USPL1: variants seen among roughly 807,000 people sequenced by gnomAD.
The protein encoded by USPL1 is ubiquitin specific peptidase like 1.
In USPL1, 27 loss-of-function variants were observed where a neutral mutation model predicts 51.5. The ratio of observed to expected loss-of-function variants is 0.52; its 90% confidence interval spans 0.39 to 0.72. The LOEUF (loss-of-function observed/expected upper bound fraction) is 0.72, where lower values mean the gene tolerates loss of function less well. Ranked by LOEUF, USPL1 falls within the 30% of genes least tolerant of loss-of-function variation. The pLI, the probability that USPL1 is intolerant of heterozygous loss-of-function variation, is 0.00. For synonymous variants in USPL1, 451 were observed against 459.6 expected, an observed-to-expected ratio of 0.98 and a Z score of 0.24; for missense variants, 1,226 against 1,268.0, an observed-to-expected ratio of 0.97 and a Z score of 0.50.
intron 5 of USPL1, among the ~76,000 whole-genome samples, chr13:30,638,544 C>A (rs1950905711): frequency 1.3e-5 from 2 of 152,210 alleles, no homozygotes; most frequent in African/African-American, 2.4e-5. Context: ...GAGAGTCTGT[C>A]CAAACCTTTC....
chr13:30,620,223 A>G (rs773691678), intron 1 of USPL1, among the ~76,000 whole-genome samples: 32 of 152,220 alleles, frequency 2.1e-4, no homozygotes, highest in Non-Finnish European at 1.0e-4. Context: ...GTGTCATAGA[A>G]TCATGGATTC....
Position 30,653,306 on chromosome 13 carries a change from G to GT in USPL1, c.1396+2dup. The GT allele has an allele frequency of 6.3e-7, 1 of 1,590,274 alleles. No homozygotes were observed. Among genetic ancestry groups the GT allele is most frequent in the Non-Finnish European group, 8.6e-7 (1 of 1,163,212 alleles). Reference sequence around the variant, plus strand: ...ATAACATGGATTTTAGATGCTGATGGTAAGTGTTTAGAGGTTTTCTTTTAA... The same window carrying GT: ...ATAACATGGATTTTAGATGCTGATGGTTAAGTGTTTAGAGGTTTTCTTTTAA... On this transcript the variant is annotated splice_donor_variant, in intron 8 of 8. Transcript: ENST00000255304. LOFTEE classifies it high-confidence loss of function.
At chr13:30,624,289 A>G (rs1192849130) in intron 3 of USPL1, among the ~76,000 whole-genome samples, 1 of 152,166 alleles carries the variant, frequency 6.6e-6, no homozygotes, top group East Asian at 1.9e-4. Context: ...TGTCATAATC[A>G]AAATGGAGTC....
At chr13:30,620,443 A>G (rs1950632387) in intron 1 of USPL1, among the ~76,000 whole-genome samples, 1 of 152,226 alleles carries the variant, frequency 6.6e-6, no homozygotes, top group Non-Finnish European at 1.5e-5. Flanking sequence ...ATAGGACTGC[A>G]CTCAAAACAA....
chr13:30,658,106 A>G lies in USPL1; in HGVS notation c.2029A>G (p.Lys677Glu). ...GAATACAGAAGATACTGTAAATACT[A>G]AATCTGTGAATAATACTGATGCTAC... ...QLNTEDTVNT[K>E]SVNNTDATGL... is the part of the protein sequence containing the mutation. Residue 677 changes from lysine to glutamate, a missense_variant, in exon 9 of 9, where the codon AAA (lysine) becomes GAA (glutamate). By Grantham distance (56) the Lys-to-Glu change is moderately conservative (BLOSUM62 1). Coordinates refer to ENST00000255304, the MANE Select transcript of USPL1 (RefSeq NM_005800.5). The G allele has an allele frequency of 1.2e-6, 2 of 1,613,570 alleles. No homozygotes were observed. Among genetic ancestry groups the G allele is most frequent in the Non-Finnish European group, 1.7e-6 (2 of 1,180,006 alleles).
At chr13:30,646,029 C>G (rs1195133973) in intron 6 of USPL1, among the ~76,000 whole-genome samples, 1 of 152,176 alleles carries the variant, frequency 6.6e-6, no homozygotes, top group Non-Finnish European at 1.5e-5. Context: ...TAGCAGAAAT[C>G]AGTGCATTTG....
chr13:30,627,834 C>T (rs1001299489), intron 3 of USPL1, among the ~76,000 whole-genome samples: 4 of 151,882 alleles, frequency 2.6e-5, no homozygotes, highest in Non-Finnish European at 5.9e-5. Flanking sequence ...AACCACTTCC[C>T]ATTTTCCTCT....
At chr13:30,632,014 G>C (rs1359726540) in intron 4 of USPL1, among the ~76,000 whole-genome samples, 1 of 151,356 alleles carries the variant, frequency 6.6e-6, no homozygotes, top group Non-Finnish European at 1.5e-5. Flanking sequence ...TGTGCAGAAC[G>C]TGCAGTTTTG....
At position 30,637,804 on chromosome 13, in the gene USPL1, A is replaced by C. The variant is rs1243042239; in HGVS notation, c.929A>C (p.Glu310Ala). ...GCAGAGATAGAGACCTGTCTGAATG[A>C]AGTTAGAGATGAAATTTTTATTAGC... ...IFAEIETCLNEVRDEIFISLQ... is the reference protein window; with the variant it reads ...IFAEIETCLNAVRDEIFISLQ... Residue 310 changes from glutamate to alanine, a missense_variant, in exon 5 of 9, where the codon GAA (glutamate) becomes GCA (alanine). Physicochemically the swap from Glu to Ala is moderately radical, Grantham distance 107 (BLOSUM62 -1). Coordinates refer to ENST00000255304, the MANE Select transcript of USPL1 (RefSeq NM_005800.5). The C allele has an allele frequency of 1.2e-6, 2 of 1,613,588 alleles. No homozygotes were observed. The highest frequency in any genetic ancestry group is 1.3e-5 in the African/African-American group (1 of 74,916).
intron 2 of USPL1, 149 bp downstream of exon 2, chr13:30,621,388 T>TGTGTTTAC: frequency 1.7e-6 from 1 of 600,566 alleles, no homozygotes; most frequent in South Asian, 2.4e-5. Flanking sequence ...ATTGTTTTAA[T>TGTGTTTAC]GTGTTTACCT....
chr13:30,652,697 T>A (rs901624257), intron 7 of USPL1, among the ~76,000 whole-genome samples: 2 of 152,262 alleles, frequency 1.3e-5, no homozygotes, highest in Admixed American at 1.3e-4. Context: ...AAATTAATGC[T>A]TTTTTGAATA....
Position 30,631,004 on chromosome 13 carries a change from G to A in USPL1, c.398G>A (p.Gly133Asp), listed in dbSNP as rs753021835. Residue 133 changes from glycine to aspartate, a missense_variant, in exon 4 of 9, where the codon GGT becomes GAT. Gly to Asp is a moderately conservative substitution (Grantham distance 94). Transcript: ENST00000255304. Reference sequence around the variant, plus strand: ...ACTAGAAATTATATTGCTATTGACGGTGGAAAAGTTTTGAACAGCAAACAT... The same window carrying A: ...ACTAGAAATTATATTGCTATTGACGATGGAAAAGTTTTGAACAGCAAACAT... ...KKTRNYIAID[G>D]GKVLNSKHNG... The A allele has an allele frequency of 2.0e-5, 33 of 1,613,910 alleles. No homozygotes were observed. The highest frequency in any genetic ancestry group is 1.1e-4 in the East Asian group (5 of 44,896).
chr13:30,623,345 T>C (rs1169131473), intron 3 of USPL1, among the ~76,000 whole-genome samples: 4 of 152,102 alleles, frequency 2.6e-5, no homozygotes, highest in Non-Finnish European at 5.9e-5. Context: ...TTATAAGCCA[T>C]TGTAAGCTTT....
At chr13:30,647,087 T>C (rs763188248) in intron 7 of USPL1, 30 bp downstream of exon 7, 1 of 1,583,450 alleles carries the variant, frequency 6.3e-7, no homozygotes, top group Non-Finnish European at 8.7e-7. Context: ...TAATTTTTAG[T>C]ACAAAATGAA....
At chr13:30,650,025 A>AGGGATAAAGTTTAGTAGAGAT (rs1951068289) in intron 7 of USPL1, among the ~76,000 whole-genome samples, 1 of 152,066 alleles carries the variant, frequency 6.6e-6, no homozygotes, top group Non-Finnish European at 1.5e-5. Flanking sequence ...AACAAAACCT[A>AGGGATAAAGTTTAGTAGAGAT]GGGATAAAGT....
At chr13:30,644,017 G>A (rs1950983874) in intron 6 of USPL1, among the ~76,000 whole-genome samples, 1 of 151,456 alleles carries the variant, frequency 6.6e-6, no homozygotes, top group East Asian at 2.0e-4. Context: ...GGGCACAGTG[G>A]CTCACATCTG....
chr13:30,634,402 C>T (rs1314040402), intron 4 of USPL1, among the ~76,000 whole-genome samples: 2 of 152,200 alleles, frequency 1.3e-5, no homozygotes, highest in African/African-American at 4.8e-5. Flanking sequence ...TTTCAGACCA[C>T]GGTTGAGTTC....
At position 30,626,342 on chromosome 13, in the gene USPL1, A is replaced by AAATC. The variant is rs544105526; in HGVS notation, c.228+4453_228+4454insCAAT. ...TAAATAAATAAATAAATAAATAAAT[A>AAATC]AATAAATCAAAAGAAGAATACCCTT... On this transcript the variant is annotated intron_variant, in intron 3 of 8. Transcript: ENST00000255304. Among the ~76,000 whole-genome samples, 87 of 152,098 alleles carry AAATC rather than the reference A, an allele frequency of 5.7e-4. 3 individuals carry two copies. The South Asian group carries it at 0.01, about 18-fold the overall frequency.
At position 30,642,556 on chromosome 13, in the gene USPL1, A is replaced by G. The variant is rs1440837357; in HGVS notation, c.983-72A>G. On this transcript the variant is annotated intron_variant, in intron 5 of 8. Transcript: ENST00000255304. ...GCTGTAAATATAGTAAGAAAAGACA[A>G]TAGTTCACAATTTTGGTTTAGTTTT... 1.4e-5 allele frequency: 22 copies of G among 1,549,658 alleles called. No individual in the cohort carries two copies. The East Asian group carries it at 2.3e-4, about 16-fold the overall frequency.
Sources: gnomAD v4.1 joint callset for allele counts (sites outside exome capture counted in the v4.1 genomes callset) on GRCh38, gnomAD v4.1.1 for gene constraint, MANE v1.5 for transcripts, NCBI Gene and HGNC (gene_info 2026-07-23, HGNC 2026-07-21) for gene names.